MAPT: variants seen among roughly 807,000 people sequenced by gnomAD.
MAPT encodes the protein microtubule associated protein tau, also known as microtubule-associated protein tau.
In MAPT, 34 loss-of-function variants were observed where a neutral mutation model predicts 67.9. That is an observed-to-expected ratio of 0.50 (90% CI 0.38 to 0.67). MAPT has a LOEUF of 0.67. Ranked by LOEUF, MAPT falls within the 30% of genes least tolerant of loss-of-function variation. MAPT has a pLI of 0.00. For synonymous variants in MAPT, 456 were observed against 464.5 expected, an observed-to-expected ratio of 0.98 and a Z score of 0.23; for missense variants, 881 against 1,115.2, an observed-to-expected ratio of 0.79 and a Z score of 2.99.
intron 1 of MAPT, among the ~76,000 whole-genome samples, chr17:45,952,015 A>G (rs1293323160): frequency 6.6e-6 from 1 of 152,180 alleles, no homozygotes; most frequent in Non-Finnish European, 1.5e-5. Flanking sequence ...CTGTCTGTGT[A>G]TCGCTTCTCG....
At chr17:45,925,060 A>T (rs2066148729) in intron 1 of MAPT, among the ~76,000 whole-genome samples, 1 of 152,110 alleles carries the variant, frequency 6.6e-6, no homozygotes, top group Admixed American at 6.5e-5. Flanking sequence ...TGTCCACCCC[A>T]CTGCCACTGT....
intron 1 of MAPT, chr17:45,907,649 A>G (rs1381020912): frequency 6.6e-6 from 1 of 152,218 alleles, no homozygotes; most frequent in Non-Finnish European, 1.5e-5. Flanking sequence ...AGTACTCTAT[A>G]TACATGGAAA....
At chr17:45,923,764 A>T (rs1396992803) in intron 1 of MAPT, among the ~76,000 whole-genome samples, 1 of 152,230 alleles carries the variant, frequency 6.6e-6, no homozygotes, top group East Asian at 1.9e-4. Flanking sequence ...AGTTTTGTTC[A>T]TATGGCAGTG....
At chr17:46,023,362 C>T (rs756027055) in intron 12 of MAPT, among the ~76,000 whole-genome samples, 30 of 152,176 alleles carry the variant, frequency 2.0e-4, no homozygotes, top group Non-Finnish European at 4.0e-4. Context: ...ACATCCGTGG[C>T]GACGGAATAC....
intron 6 of MAPT, among the ~76,000 whole-genome samples, chr17:45,988,774 A>G (rs2073814244): frequency 6.6e-6 from 1 of 152,054 alleles, no homozygotes; most frequent in Non-Finnish European, 1.5e-5. Context: ...AAAAAATTTA[A>G]TTGGCCAGGC....
chr17:46,023,855 A>G, intron 12 of MAPT, 101 bp from the exon 13 acceptor site: 2 of 980,522 alleles, frequency 2.0e-6, no homozygotes, highest in African/African-American at 1.6e-5. Context: ...ACAAACAAAA[A>G]ACAGTCCCTG....
intron 10 of MAPT, among the ~76,000 whole-genome samples, chr17:46,013,132 A>G (rs569209121): frequency 6.6e-4 from 101 of 152,284 alleles, no homozygotes; most frequent in African/African-American, 2.1e-3. Flanking sequence ...AACCATCTTC[A>G]GCCATGAAGC....
At chr17:45,985,838 CT>C in intron 5 of MAPT, 2 of 417,406 alleles carry the variant, frequency 4.8e-6, no homozygotes, top group Non-Finnish European at 6.4e-6. Context: ...GCCTGGGAGT[CT>C]TTTAGCAGGT....
chr17:45,928,887 G>A (rs561549605), intron 1 of MAPT, among the ~76,000 whole-genome samples: 48 of 152,102 alleles, frequency 3.2e-4, no homozygotes, highest in Admixed American at 2.7e-3. Flanking sequence ...TAGTAGAGAT[G>A]GGGTTTCACC....
intron 1 of MAPT, among the ~76,000 whole-genome samples, chr17:45,955,136 C>T (rs1433335396): frequency 6.6e-6 from 1 of 152,140 alleles, no homozygotes; most frequent in African/African-American, 2.4e-5. Context: ...TTTGAAGCAG[C>T]GGCTCTCCTA....
Position 46,023,943 on chromosome 17 carries a change from C to T in MAPT, c.2287-13C>T. 1 of 1,612,498 alleles carries T rather than the reference C, an allele frequency of 6.2e-7. No individual in the cohort carries two copies. Among genetic ancestry groups the T allele is most frequent in the Admixed American group, 1.7e-5 (1 of 60,032 alleles). On this transcript the variant is annotated splice_polypyrimidine_tract_variant and intron_variant, in intron 12 of 12. Coordinates refer to ENST00000262410, the MANE Select transcript of MAPT (RefSeq NM_001377265.1). ...CACTTCATCTCACCCTCCCTCCCTT[C>T]CTCTTCTTGCAGATTGAAACCCACA... is the stretch of plus-strand genomic sequence containing the variant.
At chr17:45,939,957 C>T (rs1277250507) in intron 1 of MAPT, among the ~76,000 whole-genome samples, 2 of 152,138 alleles carry the variant, frequency 1.3e-5, no homozygotes, top group Non-Finnish European at 2.9e-5. Context: ...TATTTTTGCT[C>T]ATCGTTTGTG....
Position 45,940,633 on chromosome 17 carries a change from A to G in MAPT, c.-17-21688A>G, listed in dbSNP as rs552034483. Among the ~76,000 whole-genome samples, 6 of 152,262 alleles carry G rather than the reference A, an allele frequency of 3.9e-5. No homozygotes were observed. The South Asian group carries it at 1.2e-3, about 32-fold the overall frequency. On this transcript the variant is annotated intron_variant, in intron 1 of 12. Coordinates refer to ENST00000262410, the MANE Select transcript of MAPT (RefSeq NM_001377265.1). ...GCTTGAAGAGGAGACGACAGGGGAT[A>G]TGGGATAGTTGAATCTGTGAAGGGC...
chr17:45,961,641 C>G (rs375665061), intron 1 of MAPT, among the ~76,000 whole-genome samples: 1 of 152,162 alleles, frequency 6.6e-6, no homozygotes, highest in South Asian at 2.1e-4. Flanking sequence ...CCTGTTCAGT[C>G]GTGCCCTCAC....
intron 9 of MAPT, chr17:45,999,660 A>G: frequency 6.2e-7 from 1 of 1,600,832 alleles, no homozygotes; most frequent in South Asian, 1.1e-5. Context: ...CCTCATGCCA[A>G]GTGTAGAAAG....
chr17:45,999,758 T>TGG, intron 9 of MAPT: 1 of 1,122,294 alleles, frequency 8.9e-7, no homozygotes, highest in Non-Finnish European at 1.2e-6. Context: ...GGAGAAAGGG[T>TGG]GACTTGACTT....
chr17:45,994,074 A>G (rs2145801014), intron 8 of MAPT: 2 of 1,224,426 alleles, frequency 1.6e-6, no homozygotes, highest in East Asian at 2.6e-5. Flanking sequence ...CTTTTCTGCA[A>G]TGCAGGGTTC....
At chr17:45,992,563 C>A (rs1458297097) in intron 8 of MAPT, among the ~76,000 whole-genome samples, 1 of 152,146 alleles carries the variant, frequency 6.6e-6, no homozygotes, top group Admixed American at 6.5e-5. Flanking sequence ...GTAAGGCATC[C>A]ATTGAGTTAT....
chr17:45,983,550 C>T lies in MAPT; in HGVS notation c.971C>T (p.Ala324Val). 2 of 1,613,034 alleles carry T rather than the reference C, an allele frequency of 1.2e-6. No homozygotes were observed. The highest frequency in any genetic ancestry group is 1.7e-6 in the Non-Finnish European group (2 of 1,179,956). Reference sequence around the variant, plus strand: ...CAAGATGGGCGGCCTCCCCAGACAGCCGCCAGAGAAGCCACCAGCATCCCA... The same window carrying T: ...CAAGATGGGCGGCCTCCCCAGACAGTCGCCAGAGAAGCCACCAGCATCCCA... ...PAQDGRPPQT[A>V]AREATSIPGF... The change falls in exon 5 of 13, where the codon GCC becomes GTC. Residue 324 changes from alanine (A) to valine (V), a missense_variant. This residue lies in a region of MAPT where 687 missense variants were observed against 766.1 expected (regional missense o/e 0.90). Transcript: ENST00000262410.
Sources: gnomAD v4.1 joint callset for allele counts (sites outside exome capture counted in the v4.1 genomes callset) on GRCh38, gnomAD v4.1.1 for gene constraint, gnomAD v4.1.1 regional missense constraint, MANE v1.5 for transcripts, NCBI Gene and HGNC (gene_info 2026-07-23, HGNC 2026-07-21) for gene names.